The following NWD1 variants were observed in gnomAD, a reference collection of about 807,000 sequenced individuals.
NWD1 encodes the protein NACHT domain- and WD repeat-containing protein 1.
A neutral mutation model predicts 135.1 loss-of-function variants in NWD1; 129 were observed. That is an observed-to-expected ratio of 0.96 (90% CI 0.83 to 1.11). The LOEUF (loss-of-function observed/expected upper bound fraction) is 1.11, where lower values mean the gene tolerates loss of function less well. Among genes scored for constraint, NWD1 ranks in the 50% least tolerant of loss-of-function variants. NWD1 has a pLI of 0.00. For synonymous variants in NWD1, 773 were observed against 786.0 expected (o/e 0.98, Z 0.28); for missense variants, 1,740 against 1,851.3 (o/e 0.94, Z 1.10).
At chr19:16,784,692 A>C (rs1969977842) in intron 12 of NWD1, among the ~76,000 whole-genome samples, 1 of 152,048 alleles carries the variant, frequency 6.6e-6, no homozygotes, top group Admixed American at 6.6e-5. Flanking sequence ...GCACTTTGGG[A>C]GGCCAAGGTG....
chr19:16,736,764 G>A lies in NWD1; in HGVS notation c.198+14G>A, dbSNP rs1967836787. 6.3e-6 allele frequency: 9 copies of A among 1,431,482 alleles called. No homozygotes were observed. Among genetic ancestry groups the A allele is most frequent in the African/African-American group, 1.4e-5 (1 of 71,048 alleles). 88.7% of individuals were successfully genotyped at this position (1,431,482 alleles called of 1,614,324 possible). On this transcript the variant is annotated intron_variant, in intron 4 of 18. Coordinates refer to ENST00000524140, the MANE Select transcript of NWD1 (RefSeq NM_001007525.5). ...CCAGCTTTTGTTGTGAGTGTCTTGG[G>A]AGGAATGGGTTAGCTCTTACTCCTC...
At position 16,799,981 on chromosome 19, in the gene NWD1, A is replaced by G. The variant is rs763603072; in HGVS notation, c.3555A>G (p.Ala1185=). Residue 1185 remains alanine, a synonymous_variant, in exon 17 of 19, where the codon GCA becomes GCG. Coordinates refer to ENST00000524140, the MANE Select transcript of NWD1 (RefSeq NM_001007525.5). ...SLLARGGALV[A]SASPQSSSFK... is the part of the protein sequence containing the mutation. ...TGGCCCGCGGCGGGGCTTTGGTGGC[A>G]TCTGCTTCCCCACAGTCCTCATCTT... The G allele has an allele frequency of 2.5e-6, 4 of 1,614,164 alleles. No homozygotes were observed. The highest frequency in any genetic ancestry group is 3.4e-6 in the Non-Finnish European group (4 of 1,180,014).
intron 3 of NWD1, among the ~76,000 whole-genome samples, chr19:16,734,549 G>A (rs543382853): frequency 7.1e-6 from 1 of 140,480 alleles, no homozygotes; most frequent in African/African-American, 2.7e-5. Context: ...AAAAAAAAAA[G>A]ATTTTCTTTC....
At chr19:16,789,749 G>T (rs1214211430) in intron 13 of NWD1, among the ~76,000 whole-genome samples, 1 of 124,080 alleles carries the variant, frequency 8.1e-6, no homozygotes. Context: ...ATGGAGTCCT[G>T]CTCTGTCGCC....
rs796403989 is a variant in NWD1 at position 16,806,705 on chromosome 19, C to T, written c.3737-881C>T. On this transcript the variant is annotated intron_variant, in intron 17 of 18. Transcript: ENST00000524140. ...CAGCCCGGGCAACAGAGTGAGACTC[C>T]GTCTCTTAATAAATAAATACATAAA... Among the ~76,000 whole-genome samples the T allele has an allele frequency of 1.3e-4, 20 of 149,768 alleles. 1 individual carries two copies. The highest frequency in any genetic ancestry group is 4.1e-3 in the Middle Eastern group (1 of 244).
At chr19:16,754,541 C>T (rs894918979) in intron 6 of NWD1, among the ~76,000 whole-genome samples, 12 of 150,438 alleles carry the variant, frequency 8.0e-5, no homozygotes, top group East Asian at 2.0e-4. Flanking sequence ...TCCATCATCT[C>T]GATCTTCCAT....
At chr19:16,725,655 C>A (rs1000797758) in intron 2 of NWD1, among the ~76,000 whole-genome samples, 3 of 151,066 alleles carry the variant, frequency 2.0e-5, no homozygotes, top group Non-Finnish European at 3.0e-5. Flanking sequence ...CAGGTTCAAG[C>A]GATGCTTCCG....
chr19:16,790,630 A>C (rs1970208065), intron 13 of NWD1, among the ~76,000 whole-genome samples: 1 of 77,678 alleles, frequency 1.3e-5, no homozygotes, highest in Non-Finnish European at 2.8e-5. Context: ...TGAAAGTAAC[A>C]TTAAAAAAAA....
chr19:16,783,623 A>G (rs1414227609), intron 12 of NWD1, among the ~76,000 whole-genome samples: 1 of 149,580 alleles, frequency 6.7e-6, no homozygotes, highest in Non-Finnish European at 1.5e-5. Flanking sequence ...AAAAAGAGCA[A>G]AACTCCATCT....
chr19:16,811,648 C>T (rs1970928605), intron 18 of NWD1, among the ~76,000 whole-genome samples: 1 of 151,812 alleles, frequency 6.6e-6, no homozygotes, highest in East Asian at 1.9e-4. Context: ...AAATTGAGTC[C>T]TACAATTGTT....
At chr19:16,734,462 G>A (rs1447296228) in intron 3 of NWD1, among the ~76,000 whole-genome samples, 3 of 151,526 alleles carry the variant, frequency 2.0e-5, no homozygotes, top group African/African-American at 4.8e-5. Context: ...GTGAACCCGG[G>A]AGGCGGAGCT....
intron 4 of NWD1, among the ~76,000 whole-genome samples, chr19:16,741,782 T>C (rs1968095050): frequency 6.6e-6 from 1 of 152,116 alleles, no homozygotes; most frequent in Non-Finnish European, 1.5e-5. Context: ...TTGACCTTGG[T>C]CTGATTCTAG....
chr19:16,748,457 C>T (rs1968412464), intron 5 of NWD1, among the ~76,000 whole-genome samples: 1 of 152,078 alleles, frequency 6.6e-6, no homozygotes, highest in Non-Finnish European at 1.5e-5. Flanking sequence ...TTGAGGATGA[C>T]AGCATTGTTT....
At chr19:16,778,491 C>T (rs559131794) in intron 11 of NWD1, among the ~76,000 whole-genome samples, 3 of 50,326 alleles carry the variant, frequency 6.0e-5, no homozygotes, top group African/African-American at 3.7e-4. Context: ...TCTTCTTCTT[C>T]TTCTTTTTTT....
At chr19:16,756,809 T>C (rs576421856) in intron 6 of NWD1, among the ~76,000 whole-genome samples, 2 of 152,276 alleles carry the variant, frequency 1.3e-5, no homozygotes, top group East Asian at 3.9e-4. Flanking sequence ...TTCATCTGTA[T>C]CTACAGCCAC....
At chr19:16,736,356 A>G (rs1056088053) in intron 3 of NWD1, among the ~76,000 whole-genome samples, 3 of 151,898 alleles carry the variant, frequency 2.0e-5, no homozygotes, top group Non-Finnish European at 4.4e-5. Flanking sequence ...CAGCCTCCCG[A>G]GTAGCTGGGA....
chr19:16,797,179 CA>C lies in NWD1; in HGVS notation c.3305-538del, dbSNP rs762226680. 4.9e-3 allele frequency among the ~76,000 whole-genome samples: 643 copies of C among 130,506 alleles called. 1 individual carries two copies. Among genetic ancestry groups the C allele is most frequent in the Middle Eastern group, 0.012 (3 of 242 alleles). The allele number at this position is 130,506 out of a possible 152,430, so 85.6% of individuals were successfully genotyped here. On this transcript the variant is annotated intron_variant, in intron 15 of 18. Coordinates refer to ENST00000524140, the MANE Select transcript of NWD1 (RefSeq NM_001007525.5). ...TCAGTGACAGAGCGAGACTCCATCT[CA>C]AAAAAAAAAAAAAATTGATGAGTGA...
At chr19:16,785,770 AC>A (rs1970018234) in intron 12 of NWD1, among the ~76,000 whole-genome samples, 1 of 135,052 alleles carries the variant, frequency 7.4e-6, no homozygotes, top group African/African-American at 3.0e-5. Flanking sequence ...ATATACAAAA[AC>A]AAATATATAC....
At chr19:16,726,572 T>C (rs898878063) in intron 2 of NWD1, among the ~76,000 whole-genome samples, 7 of 152,118 alleles carry the variant, frequency 4.6e-5, no homozygotes, top group Non-Finnish European at 1.0e-4. Context: ...CCCAAGTAGC[T>C]GGGATTACAG....
Sources: allele counts gnomAD v4.1 joint callset (sites outside exome capture counted in the v4.1 genomes callset), GRCh38; gene constraint gnomAD v4.1.1; transcripts MANE v1.5; gene names NCBI Gene and HGNC (gene_info 2026-07-23, HGNC 2026-07-21).